The following CIB4 variants were observed in gnomAD, a reference collection of about 807,000 sequenced individuals.
CIB4 encodes calcium and integrin-binding family member 4.
A neutral mutation model predicts 25.8 loss-of-function variants in CIB4; 25 were observed. The ratio of observed to expected loss-of-function variants is 0.97; its 90% CI spans 0.71 to 1.35. The LOEUF is 1.35. Among genes scored for constraint, CIB4 ranks in the 40% most tolerant of loss-of-function variants. The pLI, the probability that CIB4 is intolerant of heterozygous loss-of-function variation, is 0.00. For synonymous variants in CIB4, 75 were observed against 81.4 expected (o/e 0.92, Z 0.42); for missense variants, 235 against 228.2 (o/e 1.03, Z -0.19).
chr2:26,641,140 G>T, intron 1 of CIB4, 121 bp downstream of exon 1: 1 of 785,748 alleles, frequency 1.3e-6, no homozygotes, highest in Non-Finnish European at 2.3e-6. Context: ...TTCCAATGTG[G>T]CCCAGGGAAG....
chr2:26,586,107 G>A (rs1393284439), intron 4 of CIB4, among the ~76,000 whole-genome samples: 1 of 152,176 alleles, frequency 6.6e-6, no homozygotes, highest in East Asian at 1.9e-4. Context: ...CTCTTGCTGA[G>A]CTTCCCTCCT....
chr2:26,640,602 C>T, intron 1 of CIB4, 35 bp from the exon 2 acceptor site: 11 of 1,603,990 alleles, frequency 6.9e-6, no homozygotes, highest in Non-Finnish European at 8.5e-6. Flanking sequence ...CGTGTCCACT[C>T]CATTCATCCC....
intron 3 of CIB4, among the ~76,000 whole-genome samples, chr2:26,624,114 T>C (rs1669255749): frequency 6.6e-6 from 1 of 152,206 alleles, no homozygotes; most frequent in Admixed American, 6.5e-5. Context: ...AGGCAGACCC[T>C]TCCCAATATT....
intron 4 of CIB4, among the ~76,000 whole-genome samples, chr2:26,587,124 G>A (rs1449285118): frequency 1.3e-5 from 2 of 151,974 alleles, no homozygotes; most frequent in African/African-American, 4.8e-5. Flanking sequence ...GGCTAACACA[G>A]TGAAACCCCG....
At chr2:26,583,570 A>G (rs1257951156) in intron 5 of CIB4, among the ~76,000 whole-genome samples, 1 of 152,118 alleles carries the variant, frequency 6.6e-6, no homozygotes, top group African/African-American at 2.4e-5. Flanking sequence ...GTGGAGGGGC[A>G]GTTGCCTCCA....
chr2:26,618,828 C>A (rs1213703622), intron 3 of CIB4, among the ~76,000 whole-genome samples: 5 of 152,170 alleles, frequency 3.3e-5, no homozygotes, highest in Non-Finnish European at 7.3e-5. Flanking sequence ...CCACTCAGCT[C>A]CTAAGAAGTG....
chr2:26,594,483 G>A (rs1290449617), intron 4 of CIB4, among the ~76,000 whole-genome samples: 2 of 152,214 alleles, frequency 1.3e-5, no homozygotes, highest in African/African-American at 4.8e-5. Flanking sequence ...AGGAAGGAAC[G>A]TGAGATGCGA....
chr2:26,611,019 T>C (rs150371198), intron 3 of CIB4, among the ~76,000 whole-genome samples: 11 of 152,334 alleles, frequency 7.2e-5, no homozygotes, highest in Non-Finnish European at 1.3e-4. Context: ...GGAACAAGCT[T>C]GCTCCTGCAA....
intron 2 of CIB4, 99 bp downstream of exon 2, chr2:26,640,434 G>A: frequency 7.6e-7 from 1 of 1,320,032 alleles, no homozygotes; most frequent in Non-Finnish European, 1.1e-6. Context: ...CTCTGAGCAG[G>A]GACCACACTC....
At chr2:26,614,718 A>T (rs1397941434) in intron 3 of CIB4, among the ~76,000 whole-genome samples, 1 of 152,174 alleles carries the variant, frequency 6.6e-6, no homozygotes, top group Non-Finnish European at 1.5e-5. Flanking sequence ...AGCACATGAG[A>T]TGCTGTGTGT....
At position 26,628,909 on chromosome 2, in the gene CIB4, C is replaced by T. The variant is rs564808350; in HGVS notation, c.186+501G>A. Among the ~76,000 whole-genome samples the T allele has an allele frequency of 6.2e-4, 95 of 152,288 alleles. No individual in the cohort carries two copies. The Middle Eastern group carries it at 0.031, about 49-fold the overall frequency. On this transcript the variant is annotated intron_variant, in intron 3 of 6. Coordinates refer to ENST00000288861, the MANE Select transcript of CIB4 (RefSeq NM_001029881.3). ...TGCAGGGGATCCTGGCCTAGGGTCA[C>T]TTGCCCTAGTTTGGGGCACAACAGA...
At chr2:26,618,928 C>G (rs963475851) in intron 3 of CIB4, among the ~76,000 whole-genome samples, 2 of 152,244 alleles carry the variant, frequency 1.3e-5, no homozygotes, top group Admixed American at 6.5e-5. Context: ...GTGAGACCAT[C>G]TGGGCCCCAG....
intron 3 of CIB4, among the ~76,000 whole-genome samples, chr2:26,598,023 G>C (rs1202861533): frequency 6.6e-6 from 1 of 151,890 alleles, no homozygotes; most frequent in Non-Finnish European, 1.5e-5. Flanking sequence ...TTTTTGGCCG[G>C]GCACGGTGGC....
chr2:26,639,115 G>A lies in CIB4; in HGVS notation c.89+1418C>T, dbSNP rs766569190. Among the ~76,000 whole-genome samples the A allele has an allele frequency of 6.6e-5, 10 of 152,124 alleles. No homozygotes were observed. In the East Asian group the frequency reaches 9.6e-4, roughly 15 times the overall value. ...AGACAAACCAACAGTGAGCAGAGGC[G>A]GCCTTGAGGGAAAAGGACTGGGAGG... On this transcript the variant is annotated intron_variant, in intron 2 of 6. Coordinates refer to ENST00000288861, the MANE Select transcript of CIB4 (RefSeq NM_001029881.3).
chr2:26,610,421 T>C (rs2148209814), intron 3 of CIB4, among the ~76,000 whole-genome samples: 1 of 152,344 alleles, frequency 6.6e-6, no homozygotes, highest in African/African-American at 2.4e-5. Flanking sequence ...CAACGGAGTC[T>C]AAACCTAAGC....
intron 3 of CIB4, among the ~76,000 whole-genome samples, chr2:26,615,804 C>A (rs1669081045): frequency 6.6e-6 from 1 of 152,268 alleles, no homozygotes; most frequent in Non-Finnish European, 1.5e-5. Flanking sequence ...CATCACTGAG[C>A]TTTTTCTGAA....
At chr2:26,619,630 A>G (rs952054603) in intron 3 of CIB4, among the ~76,000 whole-genome samples, 2 of 152,214 alleles carry the variant, frequency 1.3e-5, no homozygotes, top group African/African-American at 4.8e-5. Context: ...CAGGGAAACA[A>G]CAGCAGATTC....
chr2:26,589,868 G>C (rs79871396), intron 4 of CIB4, among the ~76,000 whole-genome samples: 2,110 of 152,196 alleles, frequency 0.014, 50 homozygotes, highest in African/African-American at 0.048. Context: ...ACGTACTTTT[G>C]TCCTGATCCC....
At chr2:26,626,400 CA>C (rs34258205) in intron 3 of CIB4, among the ~76,000 whole-genome samples, 2,845 of 127,516 alleles carry the variant, frequency 0.022, 80 homozygotes, top group African/African-American at 0.07. Flanking sequence ...AAGCAACATA[CA>C]AAAAAAAAAA....
Sources: allele counts gnomAD v4.1 joint callset (sites outside exome capture counted in the v4.1 genomes callset), GRCh38; gene constraint gnomAD v4.1.1; transcripts MANE v1.5; gene names NCBI Gene and HGNC (gene_info 2026-07-23, HGNC 2026-07-21).